The following RHOBTB1 variants were observed in gnomAD, a reference collection of about 807,000 sequenced individuals.
RHOBTB1 encodes rho-related BTB domain-containing protein 1.
A neutral mutation model predicts 71.6 loss-of-function variants in RHOBTB1; 40 were observed. That is an observed-to-expected ratio of 0.56 (90% CI 0.43 to 0.73). The LOEUF (loss-of-function observed/expected upper bound fraction) is 0.73. RHOBTB1 is among the 30% of genes least tolerant of loss of function. RHOBTB1 has a pLI of 0.00. For missense variants in RHOBTB1, 797 were observed against 894.0 expected (o/e 0.89, Z 1.38); for synonymous variants, 319 against 334.9 (o/e 0.95, Z 0.52).
chr10:60,992,228 C>G (rs1321219444), intron 1 of RHOBTB1, among the ~76,000 whole-genome samples: 2 of 152,146 alleles, frequency 1.3e-5, no homozygotes, highest in African/African-American at 4.8e-5. Context: ...CCTTCTCATT[C>G]ACGCTTAGTA....
chr10:60,986,741 T>G (rs1236744567), intron 1 of RHOBTB1, among the ~76,000 whole-genome samples: 1 of 152,132 alleles, frequency 6.6e-6, no homozygotes, highest in Non-Finnish European at 1.5e-5. Flanking sequence ...AAAACAGTAC[T>G]TTTGCTTGGA....
chr10:60,879,435 G>A (rs1193523733), intron 7 of RHOBTB1, among the ~76,000 whole-genome samples: 3 of 152,062 alleles, frequency 2.0e-5, no homozygotes, highest in Non-Finnish European at 4.4e-5. Context: ...CTGGGCTCAA[G>A]CAATCCTCCC....
chr10:60,879,937 C>A (rs564557752), intron 7 of RHOBTB1, among the ~76,000 whole-genome samples: 3 of 152,074 alleles, frequency 2.0e-5, no homozygotes, highest in Admixed American at 6.6e-5. Flanking sequence ...CCGTTCTGAA[C>A]ATGTACAGAC....
chr10:60,977,640 T>G (rs1228448916), intron 2 of RHOBTB1, among the ~76,000 whole-genome samples: 1 of 152,126 alleles, frequency 6.6e-6, no homozygotes, highest in Non-Finnish European at 1.5e-5. Context: ...ACATCTTTTC[T>G]GTCCCAATCC....
At chr10:60,942,223 G>A (rs896123349) in intron 1 of RHOBTB1, among the ~76,000 whole-genome samples, 1 of 152,104 alleles carries the variant, frequency 6.6e-6, no homozygotes, top group Non-Finnish European at 1.5e-5. Flanking sequence ...ATTCAAAATA[G>A]CATTTTTAGA....
intron 2 of RHOBTB1, among the ~76,000 whole-genome samples, chr10:60,927,043 T>C (rs544263255): frequency 5.9e-5 from 9 of 152,332 alleles, no homozygotes; most frequent in African/African-American, 2.2e-4. Context: ...GAAATCAGTA[T>C]ACTAAAATAA....
At chr10:60,912,400 A>ATTT (rs2083040603) in intron 2 of RHOBTB1, among the ~76,000 whole-genome samples, 1 of 151,946 alleles carries the variant, frequency 6.6e-6, no homozygotes, top group Admixed American at 6.6e-5. Context: ...TGCCCGGCTA[A>ATTT]TTTTTATATT....
At chr10:60,878,142 CT>C in intron 7 of RHOBTB1, 84 bp from the exon 8 acceptor site, 1 of 1,091,254 alleles carries the variant, frequency 9.2e-7, no homozygotes, top group South Asian at 1.5e-5. Context: ...TATAAATATC[CT>C]GTGTGACTTG....
chr10:60,871,462 TG>T lies in RHOBTB1; in HGVS notation c.*19del. On this transcript the variant is annotated 3_prime_UTR_variant, in exon 11 of 11. Transcript: ENST00000337910. ...AGATTACCGATTGGTTTCTGTTTTTTGTTTTTTTTCTCTTCCTCTTCAGGCC... is the reference window on the plus strand; with the variant it reads ...AGATTACCGATTGGTTTCTGTTTTTTTTTTTTTTCTCTTCCTCTTCAGGCC... 6.2e-7 allele frequency: 1 copy of T among 1,608,468 alleles called. No homozygotes were observed. Among genetic ancestry groups the T allele is most frequent in the South Asian group, 1.1e-5 (1 of 89,906 alleles).
downstream of RHOBTB1, among the ~76,000 whole-genome samples, chr10:60,868,584 G>A (rs1027488299): frequency 1.1e-4 from 16 of 152,148 alleles, no homozygotes; most frequent in African/African-American, 3.9e-4. Context: ...TTGGACTTTT[G>A]CTTCTGAGTG....
chr10:60,879,303 C>G (rs1446217076), intron 7 of RHOBTB1, among the ~76,000 whole-genome samples: 1 of 152,066 alleles, frequency 6.6e-6, no homozygotes, highest in Admixed American at 6.6e-5. Flanking sequence ...TGTAAGAATT[C>G]TACTTCAAAA....
In RHOBTB1 at chr10:60,886,239, G is replaced by A; in HGVS notation, c.1457-9C>T. Reference sequence around the variant, plus strand: ...CAATTTAAATGTCACGTCTGCCAAGGGATTGAGGAAACACAACCATGAGCC... The same window carrying A: ...CAATTTAAATGTCACGTCTGCCAAGAGATTGAGGAAACACAACCATGAGCC... On this transcript the variant is annotated splice_polypyrimidine_tract_variant and intron_variant, in intron 6 of 10. Coordinates refer to ENST00000337910, the MANE Select transcript of RHOBTB1 (RefSeq NM_014836.5). 1 of 1,609,648 alleles carries A rather than the reference G, an allele frequency of 6.2e-7. No individual in the cohort carries two copies. Among genetic ancestry groups the A allele is most frequent in the South Asian group, 1.1e-5 (1 of 90,902 alleles).
chr10:60,970,784 A>G (rs2086126845), intron 2 of RHOBTB1, among the ~76,000 whole-genome samples: 1 of 152,044 alleles, frequency 6.6e-6, no homozygotes, highest in African/African-American at 2.4e-5. Flanking sequence ...TTACAGTGCA[A>G]GATTAATGCT....
chr10:60,952,508 A>G (rs923386518), intron 2 of RHOBTB1, among the ~76,000 whole-genome samples: 11 of 152,220 alleles, frequency 7.2e-5, no homozygotes, highest in Non-Finnish European at 1.2e-4. Context: ...TCCCCATTTT[A>G]TAGATGAGGA....
intron 4 of RHOBTB1, among the ~76,000 whole-genome samples, chr10:60,897,517 C>A (rs76892038): frequency 0.014 from 2,205 of 152,174 alleles, 50 homozygotes; most frequent in African/African-American, 0.05. Flanking sequence ...CTGACATTAT[C>A]TTTTTATCTA....
intron 1 of RHOBTB1, among the ~76,000 whole-genome samples, chr10:60,989,634 G>T (rs1342172475): frequency 6.6e-6 from 1 of 152,186 alleles, no homozygotes; most frequent in African/African-American, 2.4e-5. Context: ...TTAGCACCTT[G>T]TTTCCTGTGC....
intron 2 of RHOBTB1, among the ~76,000 whole-genome samples, chr10:60,972,382 G>T (rs2086187163): frequency 6.6e-6 from 1 of 152,076 alleles, no homozygotes; most frequent in Non-Finnish European, 1.5e-5. Flanking sequence ...CCTGTCTTTT[G>T]CAGGGACATG....
At chr10:60,977,847 G>T (rs910747077) in intron 2 of RHOBTB1, among the ~76,000 whole-genome samples, 1 of 152,056 alleles carries the variant, frequency 6.6e-6, no homozygotes, top group Non-Finnish European at 1.5e-5. Flanking sequence ...ATACTGTAAT[G>T]CTTTGTGGGT....
chr10:60,862,491 C>G, the RHOBTB1 span, among the ~76,000 whole-genome samples: 1 of 130,670 alleles, frequency 7.7e-6, no homozygotes, highest in African/African-American at 3.1e-5. Flanking sequence ...AGCCACCATG[C>G]TCAGCCTTTT....
Sources: allele counts gnomAD v4.1 joint callset (sites outside exome capture counted in the v4.1 genomes callset), GRCh38; gene constraint gnomAD v4.1.1; transcripts MANE v1.5; gene names NCBI Gene and HGNC (gene_info 2026-07-23, HGNC 2026-07-21).